The following SHISA9 variants were observed in gnomAD, a reference collection of about 807,000 sequenced individuals.
SHISA9 encodes protein shisa-9.
A neutral mutation model predicts 38.0 loss-of-function variants in SHISA9; 13 were observed. The ratio of observed to expected loss-of-function variants is 0.34; its 90% CI spans 0.22 to 0.54. SHISA9 has a LOEUF of 0.54. Among genes scored for constraint, SHISA9 ranks in the 20% least tolerant of loss-of-function variants. The pLI is 0.91. For synonymous variants in SHISA9, 275 were observed against 242.0 expected (o/e 1.14, Z -1.27); for missense variants, 538 against 575.8 (o/e 0.93, Z 0.67).
chr16:13,036,552 G>A (rs762989953), intron 2 of SHISA9, among the ~76,000 whole-genome samples: 30 of 152,106 alleles, frequency 2.0e-4, no homozygotes, highest in Non-Finnish European at 3.7e-4. Flanking sequence ...GGTGGGGCTA[G>A]TTACATTGGT....
At chr16:13,161,583 C>T (rs145282085) in intron 2 of SHISA9, among the ~76,000 whole-genome samples, 2 of 152,302 alleles carry the variant, frequency 1.3e-5, no homozygotes, top group Middle Eastern at 3.4e-3. Context: ...CCAGCCATCC[C>T]CTCCTACGTT....
intron 2 of SHISA9, among the ~76,000 whole-genome samples, chr16:12,927,078 A>AT (rs1276244275): frequency 3.3e-5 from 5 of 152,058 alleles, no homozygotes; most frequent in Non-Finnish European, 5.9e-5. Context: ...TTAGTGTTGA[A>AT]TTTTTTCTTC....
chr16:13,469,417 GAA>G, the SHISA9 span, among the ~76,000 whole-genome samples: 398 of 112,138 alleles, frequency 3.5e-3, 4 homozygotes, highest in South Asian at 0.017. Flanking sequence ...AAGAAAGAAA[GAA>G]AGAAAAAGAA....
the SHISA9 span, among the ~76,000 whole-genome samples, chr16:13,555,893 T>C: frequency 2.0e-5 from 3 of 152,214 alleles, no homozygotes; most frequent in Admixed American, 6.5e-5. Flanking sequence ...TCAAATCTTA[T>C]CTAGGTTCAG....
At chr16:13,356,667 A>G in the SHISA9 span, among the ~76,000 whole-genome samples, 1 of 152,038 alleles carries the variant, frequency 6.6e-6, no homozygotes, top group East Asian at 1.9e-4. Context: ...GAAAAGGAAG[A>G]TTAGAAAGAC....
chr16:13,224,160 G>C (rs2051256480), intron 4 of SHISA9, among the ~76,000 whole-genome samples: 1 of 152,190 alleles, frequency 6.6e-6, no homozygotes, highest in African/African-American at 2.4e-5. Context: ...CAATTACTCA[G>C]TTTGCCATTG....
chr16:13,148,035 A>C (rs1206509115), intron 2 of SHISA9, among the ~76,000 whole-genome samples: 1 of 152,188 alleles, frequency 6.6e-6, no homozygotes. Flanking sequence ...AGAAGGACCT[A>C]GGGTGTTCTA....
At chr16:13,214,714 A>C (rs1266755061) in intron 4 of SHISA9, among the ~76,000 whole-genome samples, 1 of 152,176 alleles carries the variant, frequency 6.6e-6, no homozygotes, top group Non-Finnish European at 1.5e-5. Flanking sequence ...AGGAGGAGCA[A>C]GTCACATCTT....
At chr16:13,480,003 T>C in the SHISA9 span, among the ~76,000 whole-genome samples, 1 of 152,248 alleles carries the variant, frequency 6.6e-6, no homozygotes. Flanking sequence ...GGTTTTGGCA[T>C]ATTACTTAAC....
chr16:12,913,749 A>G (rs1010970062), intron 1 of SHISA9, among the ~76,000 whole-genome samples: 2 of 152,170 alleles, frequency 1.3e-5, no homozygotes, highest in Non-Finnish European at 2.9e-5. Context: ...TTGGATATCA[A>G]TGGAATCATA....
rs1311659766 is a variant in SHISA9 at position 13,230,755 on chromosome 16, C to T, written c.896-4275C>T. Among the ~76,000 whole-genome samples, 3 of 152,186 alleles carry T rather than the reference C, an allele frequency of 2.0e-5. No individual in the cohort carries two copies. The East Asian group carries it at 5.8e-4, about 29-fold the overall frequency. On this transcript the variant is annotated intron_variant, in intron 4 of 4. Transcript: ENST00000558583. The stretch of plus-strand genomic sequence containing the variant: ...ATGGTTACTCCATAGACAGAGCAGC[C>T]CTGAGGGCTGCTGGTTACTCATTTT...
At chr16:13,348,626 T>C in the SHISA9 span, among the ~76,000 whole-genome samples, 1 of 151,664 alleles carries the variant, frequency 6.6e-6, no homozygotes, top group African/African-American at 2.4e-5. Flanking sequence ...AGACAGAGAC[T>C]GAATGGCTGC....
At chr16:13,184,180 G>C (rs771801065) in intron 2 of SHISA9, among the ~76,000 whole-genome samples, 6 of 152,136 alleles carry the variant, frequency 3.9e-5, no homozygotes, top group Non-Finnish European at 7.3e-5. Context: ...AGGCAGGATG[G>C]TTTTCAATCT....
chr16:13,550,136 G>T, the SHISA9 span, among the ~76,000 whole-genome samples: 2 of 152,050 alleles, frequency 1.3e-5, no homozygotes. Flanking sequence ...CAAGTGCAAA[G>T]CCCCCGAGGC....
the SHISA9 span, among the ~76,000 whole-genome samples, chr16:13,370,453 C>T: frequency 5.3e-5 from 8 of 152,174 alleles, 1 homozygote; most frequent in Admixed American, 5.2e-4. Flanking sequence ...TTTTCTGACA[C>T]TATCTTGAAA....
chr16:13,249,768 C>T, the SHISA9 span, among the ~76,000 whole-genome samples: 12 of 152,106 alleles, frequency 7.9e-5, no homozygotes, highest in African/African-American at 2.2e-4. Context: ...CAAGGTCTCA[C>T]TCTGTCACCC....
At chr16:13,368,934 G>A in the SHISA9 span, among the ~76,000 whole-genome samples, 7 of 152,154 alleles carry the variant, frequency 4.6e-5, no homozygotes, top group Non-Finnish European at 8.8e-5. Flanking sequence ...TGGTAAGGAT[G>A]AGACTCCTTA....
chr16:13,324,128 G>C, the SHISA9 span, among the ~76,000 whole-genome samples: 5 of 152,116 alleles, frequency 3.3e-5, no homozygotes, highest in African/African-American at 4.8e-5. Flanking sequence ...GCTTCCTAAG[G>C]CCTCACCAGA....
the SHISA9 span, among the ~76,000 whole-genome samples, chr16:13,487,271 C>T: frequency 3.3e-5 from 5 of 152,274 alleles, no homozygotes; most frequent in Admixed American, 2.6e-4. Flanking sequence ...GCCGTTCTTG[C>T]ATTGCTACAG....
Sources: gnomAD v4.1 joint callset for allele counts (sites outside exome capture counted in the v4.1 genomes callset) on GRCh38, gnomAD v4.1.1 for gene constraint, MANE v1.5 for transcripts, NCBI Gene and HGNC (gene_info 2026-07-23, HGNC 2026-07-21) for gene names.